The following PLPPR5 variants were observed in gnomAD, a reference collection of about 807,000 sequenced individuals.
The protein encoded by PLPPR5 is phospholipid phosphatase related 5, also known as phospholipid phosphatase-related protein type 5.
PLPPR5 carries 16 observed loss-of-function variants against 33.9 expected under a neutral mutation model. The ratio of observed to expected loss-of-function variants is 0.47; its 90% CI spans 0.32 to 0.72. PLPPR5 has a LOEUF of 0.72. PLPPR5 is among the 30% of genes least tolerant of loss of function. The probability of loss-of-function intolerance (pLI) is 0.03; values close to 1 mark genes in which losing one functional copy is unlikely to be tolerated. For missense variants in PLPPR5, 301 were observed against 406.7 expected (o/e 0.74, Z 2.23); for synonymous variants, 163 against 150.3 (o/e 1.08, Z -0.62).
intron 4 of PLPPR5, 40 bp from the exon 5 acceptor site, chr1:98,914,960 GCTCA>G: frequency 6.3e-7 from 1 of 1,584,544 alleles, no homozygotes; most frequent in Non-Finnish European, 8.6e-7. Flanking sequence ...AGCAAACTGT[GCTCA>G]CTGTGACTTT....
intron 1 of PLPPR5, among the ~76,000 whole-genome samples, chr1:98,976,061 G>A (rs983528943): frequency 2.9e-5 from 4 of 139,930 alleles, no homozygotes; most frequent in Middle Eastern, 7.9e-3. Flanking sequence ...TGTAAGGCAC[G>A]TGCTGAAGAT....
chr1:98,933,299 C>T lies in PLPPR5; in HGVS notation c.622-11241G>A, dbSNP rs527451396. Among the ~76,000 whole-genome samples the T allele has an allele frequency of 8.6e-5, 13 of 151,576 alleles. No individual in the cohort carries two copies. In the South Asian group the frequency reaches 1.3e-3, roughly 15 times the overall value. ...GAGATCGAGACCATCCTGGCTAACA[C>T]GGTGAAACCCCATCTCTACTAAAAA... On this transcript the variant is annotated intron_variant, in intron 3 of 5. Transcript: ENST00000263177.
intron 3 of PLPPR5, among the ~76,000 whole-genome samples, chr1:98,945,073 GCA>G (rs974003387): frequency 6.6e-6 from 1 of 152,178 alleles, no homozygotes; most frequent in African/African-American, 2.4e-5. Flanking sequence ...CCAGCTATAA[GCA>G]CTGCCAGTGT....
At chr1:98,934,216 G>A (rs1650095534) in intron 3 of PLPPR5, among the ~76,000 whole-genome samples, 1 of 152,126 alleles carries the variant, frequency 6.6e-6, no homozygotes, top group South Asian at 2.1e-4. Context: ...TGGAGCTTGG[G>A]TGGCAATAGG....
At chr1:98,930,328 A>G (rs74108786) in intron 3 of PLPPR5, among the ~76,000 whole-genome samples, 2,709 of 152,258 alleles carry the variant, frequency 0.018, 74 homozygotes, top group African/African-American at 0.061. Context: ...TAGGACTCAA[A>G]ATATTTCTCA....
At chr1:98,908,316 C>CA (rs939075783) in intron 5 of PLPPR5, among the ~76,000 whole-genome samples, 4 of 150,702 alleles carry the variant, frequency 2.7e-5, no homozygotes, top group African/African-American at 7.3e-5. Flanking sequence ...GTCAAAATGC[C>CA]AAAAAAAATT....
intron 1 of PLPPR5, among the ~76,000 whole-genome samples, chr1:98,964,973 AT>A (rs566402306): frequency 0.1 from 12,177 of 121,350 alleles, 521 homozygotes; most frequent in Middle Eastern, 0.17. Flanking sequence ...TTAATTTTTG[AT>A]TTTTTTTTTT....
chr1:98,942,730 A>T (rs972231009), intron 3 of PLPPR5, among the ~76,000 whole-genome samples: 2 of 152,192 alleles, frequency 1.3e-5, no homozygotes, highest in Non-Finnish European at 2.9e-5. Context: ...GGCTCCAGGA[A>T]GTGGGCATTG....
At position 98,953,937 on chromosome 1, in the gene PLPPR5, A is replaced by G. The variant is rs950143043; in HGVS notation, c.371-617T>C. 2.0e-5 allele frequency among the ~76,000 whole-genome samples: 3 copies of G among 152,190 alleles called. No homozygotes were observed. The South Asian group carries it at 6.2e-4, about 31-fold the overall frequency. Reference sequence around the variant, plus strand: ...TTTTTTTTAAAGTCATAGAACAGCTAGTAATTTATTTCCACCTTATCTTAT... The same window carrying G: ...TTTTTTTTAAAGTCATAGAACAGCTGGTAATTTATTTCCACCTTATCTTAT... On this transcript the variant is annotated intron_variant, in intron 2 of 5. Transcript: ENST00000263177.
chr1:98,931,322 A>G (rs1003289953), intron 3 of PLPPR5, among the ~76,000 whole-genome samples: 1 of 151,918 alleles, frequency 6.6e-6, no homozygotes, highest in Non-Finnish European at 1.5e-5. Context: ...AATGCTTACT[A>G]TGTGTCAAGA....
intron 3 of PLPPR5, among the ~76,000 whole-genome samples, chr1:98,941,960 A>T (rs1249456957): frequency 6.6e-6 from 1 of 151,218 alleles, no homozygotes; most frequent in Non-Finnish European, 1.5e-5. Context: ...GGAGTTTGAT[A>T]ACTGCAATTA....
Position 98,892,953 on chromosome 1 carries a change from T to C in PLPPR5, c.*119A>G, listed in dbSNP as rs1338135000. The stretch of plus-strand genomic sequence containing the variant: ...GATAGGTTGACATTGATTTTAAAAT[T>C]ATAAAAATTATTAAACAACTTTATA... On this transcript the variant is annotated 3_prime_UTR_variant, in exon 6 of 6. Transcript: ENST00000263177. 3 of 983,190 alleles carry C rather than the reference T, an allele frequency of 3.1e-6. No homozygotes were observed. The Admixed American group carries it at 7.4e-5, about 24-fold the overall frequency. 60.9% of individuals were successfully genotyped at this position (983,190 alleles called of 1,614,324 possible).
intron 5 of PLPPR5, among the ~76,000 whole-genome samples, chr1:98,898,203 A>G (rs569155404): frequency 1.1e-3 from 164 of 152,248 alleles, no homozygotes; most frequent in African/African-American, 3.9e-3. Context: ...TGTGATTACA[A>G]TTGTTGCTCC....
At chr1:98,960,416 C>A (rs1465419155) in intron 1 of PLPPR5, among the ~76,000 whole-genome samples, 2 of 152,086 alleles carry the variant, frequency 1.3e-5, no homozygotes, top group African/African-American at 4.8e-5. Flanking sequence ...GTTGGCCAGG[C>A]TGGTCTCGAA....
intron 1 of PLPPR5, among the ~76,000 whole-genome samples, chr1:98,976,262 C>T (rs1322045732): frequency 6.6e-6 from 1 of 151,858 alleles, no homozygotes; most frequent in Non-Finnish European, 1.5e-5. Flanking sequence ...AAAGGGAAAT[C>T]TGTAATATGT....
In PLPPR5 at chr1:98,981,866, C is replaced by T. The variant is rs1261152723; in HGVS notation, c.237+22569G>A. 2.0e-5 allele frequency among the ~76,000 whole-genome samples: 3 copies of T among 151,992 alleles called. No homozygotes were observed. The East Asian group carries it at 5.8e-4, about 29-fold the overall frequency. On this transcript the variant is annotated intron_variant, in intron 1 of 5. Transcript: ENST00000263177. Reference sequence around the variant, plus strand: ...TTCAATGAACAGTATCTATAAACAACAAAATCCTAATATTATTTTATCTGT... The same window carrying T: ...TTCAATGAACAGTATCTATAAACAATAAAATCCTAATATTATTTTATCTGT...
chr1:99,004,179 C>A (rs1652973582), intron 1 of PLPPR5: 1 of 526,548 alleles, frequency 1.9e-6, no homozygotes. Context: ...CCCCTCTTCC[C>A]TTCCATCCCC....
intron 3 of PLPPR5, among the ~76,000 whole-genome samples, chr1:98,941,501 TTCAAAGATGCGA>T (rs1468833240): frequency 3.3e-5 from 5 of 151,178 alleles, no homozygotes; most frequent in African/African-American, 4.8e-5. Flanking sequence ...AGAAATTTCT[TTCAAAGATGCGA>T]CGGTAGCTTG....
chr1:98,910,646 G>A lies in PLPPR5; in HGVS notation c.933+4140C>T, dbSNP rs555863315. Among the ~76,000 whole-genome samples the A allele has an allele frequency of 8.5e-5, 13 of 152,232 alleles. No homozygotes were observed. The South Asian group carries it at 2.5e-3, about 29-fold the overall frequency. On this transcript the variant is annotated intron_variant, in intron 5 of 5. Transcript: ENST00000263177. ...ATTATTTCAGTTCAGGGTAGCAGAT[G>A]GCCAGATCCTAGCATAGCCACTCAG...
Sources: gnomAD v4.1 joint callset for allele counts (sites outside exome capture counted in the v4.1 genomes callset) on GRCh38, gnomAD v4.1.1 for gene constraint, MANE v1.5 for transcripts, NCBI Gene and HGNC (gene_info 2026-07-23, HGNC 2026-07-21) for gene names.